ST3GAL3: variants seen among roughly 807,000 people sequenced by gnomAD.
ST3GAL3 encodes the protein CMP-N-acetylneuraminate-beta-1,4-galactoside alpha-2,3-sialyltransferase.
A neutral mutation model predicts 50.1 loss-of-function variants in ST3GAL3; 21 were observed. That is an observed-to-expected ratio of 0.42 (90% confidence interval 0.30 to 0.60). The LOEUF (loss-of-function observed/expected upper bound fraction) is 0.60. ST3GAL3 is among the 20% of genes least tolerant of loss of function. ST3GAL3 has a pLI of 0.19. For missense variants in ST3GAL3, 353 were observed against 489.4 expected, an observed-to-expected ratio of 0.72 and a Z score of 2.63; for synonymous variants, 183 against 190.0, an observed-to-expected ratio of 0.96 and a Z score of 0.30.
At chr1:43,895,207 C>A (rs1281029445) in intron 6 of ST3GAL3, among the ~76,000 whole-genome samples, 2 of 152,162 alleles carry the variant, frequency 1.3e-5, no homozygotes, top group Non-Finnish European at 2.9e-5. Context: ...TCAGCCCATC[C>A]TGATATTTTT....
At chr1:43,759,063 GCGCACACACACACACACACACA>G (rs1472653096) in intron 2 of ST3GAL3, among the ~76,000 whole-genome samples, 2 of 132,338 alleles carry the variant, frequency 1.5e-5, no homozygotes, top group South Asian at 2.3e-4. Context: ...ACAAAAGCGC[GCGCACACACACACACACACACA>G]CACACACACA....
At chr1:43,761,778 G>A (rs1427682734) in intron 2 of ST3GAL3, among the ~76,000 whole-genome samples, 2 of 150,502 alleles carry the variant, frequency 1.3e-5, no homozygotes, top group Non-Finnish European at 3.0e-5. Context: ...GTGAAACCCA[G>A]TCTCTACTAA....
intron 4 of ST3GAL3, 88 bp downstream of exon 4, chr1:43,815,021 C>T: frequency 1.3e-5 from 17 of 1,313,276 alleles, no homozygotes; most frequent in Non-Finnish European, 1.9e-5. Flanking sequence ...TCTCATCACT[C>T]TTCTGGTGAC....
At chr1:43,884,133 G>A (rs1475711084) in intron 5 of ST3GAL3, among the ~76,000 whole-genome samples, 1 of 152,232 alleles carries the variant, frequency 6.6e-6, no homozygotes, top group Non-Finnish European at 1.5e-5. Context: ...CTAGCACTGA[G>A]TAGGCAAGCA....
chr1:43,840,184 A>T (rs1023269766), intron 5 of ST3GAL3: 2 of 152,014 alleles, frequency 1.3e-5, no homozygotes, highest in African/African-American at 4.8e-5. Context: ...ATGCAACCAC[A>T]CGTGGCTAAT....
At chr1:43,707,926 G>A (rs1662258149) in intron 1 of ST3GAL3, 2 of 152,384 alleles carry the variant, frequency 1.3e-5, no homozygotes, top group East Asian at 1.9e-4. Flanking sequence ...TGGGGGAAAG[G>A]CCGGCCGGAC....
chr1:43,838,468 C>G, intron 5 of ST3GAL3, 157 bp downstream of exon 5: 1 of 703,644 alleles, frequency 1.4e-6, no homozygotes, highest in Admixed American at 2.0e-5. Flanking sequence ...TACTCCAGTC[C>G]TACTCCATGC....
At chr1:43,786,409 ACTT>A (rs761818401) in intron 2 of ST3GAL3, among the ~76,000 whole-genome samples, 37 of 151,848 alleles carry the variant, frequency 2.4e-4, no homozygotes, top group South Asian at 8.3e-4. Flanking sequence ...TGACCTTCTG[ACTT>A]CTTCTTTAGA....
At chr1:43,758,635 T>G (rs1049962003) in intron 2 of ST3GAL3, among the ~76,000 whole-genome samples, 2 of 152,196 alleles carry the variant, frequency 1.3e-5, no homozygotes, top group Admixed American at 6.5e-5. Context: ...TTAAGTATGT[T>G]GATAAACTTA....
chr1:43,883,962 T>C (rs983302845), intron 5 of ST3GAL3, among the ~76,000 whole-genome samples: 12 of 152,386 alleles, frequency 7.9e-5, no homozygotes, highest in African/African-American at 2.9e-4. Context: ...CAGTGACCTT[T>C]GTACCAAAAT....
At chr1:43,814,349 T>A (rs540559414) in intron 3 of ST3GAL3, among the ~76,000 whole-genome samples, 2 of 152,358 alleles carry the variant, frequency 1.3e-5, no homozygotes, top group South Asian at 2.1e-4. Flanking sequence ...TACTGATTGA[T>A]CACTTGTTAG....
chr1:43,745,167 T>C (rs986664700), intron 2 of ST3GAL3, among the ~76,000 whole-genome samples: 3 of 152,198 alleles, frequency 2.0e-5, no homozygotes, highest in Non-Finnish European at 4.4e-5. Context: ...TGACTCTCTT[T>C]CCTTCTTCTC....
chr1:43,852,835 A>T (rs1017287871), intron 5 of ST3GAL3, among the ~76,000 whole-genome samples: 16 of 152,218 alleles, frequency 1.1e-4, no homozygotes, highest in African/African-American at 3.9e-4. Context: ...ATGAAATGAG[A>T]GGATGTGTCC....
intron 2 of ST3GAL3, among the ~76,000 whole-genome samples, chr1:43,750,501 A>G (rs781546862): frequency 2.6e-5 from 4 of 152,214 alleles, no homozygotes; most frequent in Non-Finnish European, 5.9e-5. Flanking sequence ...ATTATAAAGA[A>G]CTAAATTAAA....
chr1:43,839,172 C>G (rs1007607810), intron 5 of ST3GAL3: 1 of 152,436 alleles, frequency 6.6e-6, no homozygotes, highest in Non-Finnish European at 1.5e-5. Context: ...AAAGTGACTC[C>G]GGTATATTTG....
intron 5 of ST3GAL3, among the ~76,000 whole-genome samples, chr1:43,876,331 G>C (rs903257760): frequency 6.6e-5 from 10 of 152,186 alleles, no homozygotes; most frequent in African/African-American, 2.2e-4. Context: ...GTCAAGGAAG[G>C]GGGTACTAGA....
chr1:43,921,075 A>G (rs1018305058), intron 11 of ST3GAL3, 147 bp downstream of exon 11: 3 of 928,088 alleles, frequency 3.2e-6, no homozygotes, highest in Non-Finnish European at 1.6e-6. Context: ...TGCCCTCTCC[A>G]CAGCCTCCCA....
intron 5 of ST3GAL3, among the ~76,000 whole-genome samples, chr1:43,848,289 GTTTTC>G (rs2066612519): frequency 1.5e-5 from 1 of 67,548 alleles, no homozygotes; most frequent in African/African-American, 6.3e-5. Context: ...CCTTGTTGTG[GTTTTC>G]TTTTTTTTTT....
At chr1:43,869,666 A>G (rs2072172448) in intron 5 of ST3GAL3, among the ~76,000 whole-genome samples, 1 of 152,168 alleles carries the variant, frequency 6.6e-6, no homozygotes, top group Admixed American at 6.5e-5. Flanking sequence ...CTTCCCACTC[A>G]GCACGTATGA....
Sources: allele counts gnomAD v4.1 joint callset (sites outside exome capture counted in the v4.1 genomes callset), GRCh38; gene constraint gnomAD v4.1.1; transcripts MANE v1.5; gene names NCBI Gene and HGNC (gene_info 2026-07-23, HGNC 2026-07-21).